FBLN2: variants seen among roughly 807,000 people sequenced by gnomAD.
The protein encoded by FBLN2 is fibulin 2, also known as fibulin-2.
A neutral mutation model predicts 123.7 loss-of-function variants in FBLN2; 81 were observed. That is an observed-to-expected ratio of 0.65 (90% CI 0.55 to 0.79). The LOEUF (loss-of-function observed/expected upper bound fraction) is 0.79. Ranked by LOEUF, FBLN2 falls within the 30% of genes least tolerant of loss-of-function variation. The probability of loss-of-function intolerance (pLI) is 0.00; values close to 1 mark genes in which losing one functional copy is unlikely to be tolerated. For synonymous variants in FBLN2, 699 were observed against 701.4 expected (o/e 1.00, Z 0.05); for missense variants, 1,603 against 1,681.3 (o/e 0.95, Z 0.81).
At chr3:13,615,426 G>A (rs564667999) in intron 5 of FBLN2, among the ~76,000 whole-genome samples, 1 of 152,288 alleles carries the variant, frequency 6.6e-6, no homozygotes, top group Admixed American at 6.5e-5. Context: ...TCATGGAGTG[G>A]GAATTAAAGC....
intron 2 of FBLN2, among the ~76,000 whole-genome samples, chr3:13,605,307 T>G (rs977312852): frequency 6.6e-6 from 1 of 152,250 alleles, no homozygotes. Flanking sequence ...TCCTTTCATC[T>G]TCTTTCTCCA....
intron 4 of FBLN2, among the ~76,000 whole-genome samples, chr3:13,610,618 ATT>A (rs1384700875): frequency 6.6e-6 from 1 of 152,034 alleles, no homozygotes; most frequent in Non-Finnish European, 1.5e-5. Flanking sequence ...CGTGGGAGGG[ATT>A]TGCAGCAGGA....
At chr3:13,596,685 ACT>A (rs778363784) in intron 2 of FBLN2, among the ~76,000 whole-genome samples, 50 of 151,226 alleles carry the variant, frequency 3.3e-4, no homozygotes, top group Non-Finnish European at 6.6e-4. Context: ...TCAAACTGAA[ACT>A]CTGTCTCCAT....
intron 1 of FBLN2, among the ~76,000 whole-genome samples, chr3:13,554,042 C>T (rs979548812): frequency 1.1e-4 from 17 of 152,240 alleles, no homozygotes; most frequent in East Asian, 1.9e-4. Flanking sequence ...CCTGAGCCCC[C>T]GGAGCCTGCA....
At chr3:13,563,394 T>C (rs566703037) in intron 1 of FBLN2, among the ~76,000 whole-genome samples, 121 of 152,366 alleles carry the variant, frequency 7.9e-4, no homozygotes, top group Middle Eastern at 3.4e-3. Flanking sequence ...CCCCGTGAAG[T>C]GCCTGGGAGG....
intron 1 of FBLN2, among the ~76,000 whole-genome samples, chr3:13,565,630 A>G (rs1703723610): frequency 6.6e-6 from 1 of 152,252 alleles, no homozygotes; most frequent in Non-Finnish European, 1.5e-5. Flanking sequence ...TATGTTACGC[A>G]CATGATACGT....
intron 1 of FBLN2, among the ~76,000 whole-genome samples, chr3:13,550,097 T>C (rs1703281226): frequency 6.6e-6 from 1 of 152,192 alleles, no homozygotes; most frequent in Admixed American, 6.5e-5. Flanking sequence ...TGCCACACAC[T>C]GTGAGTCTCA....
At chr3:13,575,757 T>C (rs3773291) in intron 2 of FBLN2, among the ~76,000 whole-genome samples, 10,874 of 152,104 alleles carry the variant, frequency 0.071, 460 homozygotes, top group South Asian at 0.14. Context: ...GCACCACGCT[T>C]CTGAGCCTGG....
At chr3:13,612,340 T>TTTCTTTCTTTCTTTCTTTC (rs367582176) in intron 4 of FBLN2, among the ~76,000 whole-genome samples, 3 of 62,338 alleles carry the variant, frequency 4.8e-5, no homozygotes, top group African/African-American at 2.2e-4. Context: ...TCTTTCTTTC[T>TTTCTTTCTTTCTTTCTTTC]TTTCTTTCTT....
At chr3:13,585,973 A>G (rs1394384418) in intron 2 of FBLN2, among the ~76,000 whole-genome samples, 1 of 152,100 alleles carries the variant, frequency 6.6e-6, no homozygotes, top group Non-Finnish European at 1.5e-5. Context: ...TTATTTGAAA[A>G]ATAGTTAACT....
chr3:13,628,454 G>C (rs541073402), intron 11 of FBLN2, among the ~76,000 whole-genome samples: 1 of 152,286 alleles, frequency 6.6e-6, no homozygotes, highest in South Asian at 2.1e-4. Context: ...CGAGGGTTGA[G>C]ACTTAACAGT....
chr3:13,568,703 C>A, intron 1 of FBLN2: 1 of 924,292 alleles, frequency 1.1e-6, no homozygotes, highest in Non-Finnish European at 1.3e-6. Context: ...CTGACACGGG[C>A]TCCCCTGACA....
intron 1 of FBLN2, among the ~76,000 whole-genome samples, chr3:13,550,610 A>G (rs1703296932): frequency 6.6e-6 from 1 of 152,224 alleles, no homozygotes; most frequent in African/African-American, 2.4e-5. Context: ...TCAGCCTGGC[A>G]TGGATTGGGA....
chr3:13,631,125 C>T (rs1198463151), intron 15 of FBLN2, among the ~76,000 whole-genome samples: 2 of 152,218 alleles, frequency 1.3e-5, no homozygotes, highest in East Asian at 1.9e-4. Context: ...AGTCACGGAG[C>T]AGCCCTAGGG....
In FBLN2 at chr3:13,637,629, T is replaced by C. The variant is rs1232422902; in HGVS notation, c.3406T>C (p.Tyr1136His). The C allele has an allele frequency of 6.2e-7, 1 of 1,613,966 alleles. No individual in the cohort carries two copies. Among genetic ancestry groups the C allele is most frequent in the African/African-American group, 1.3e-5 (1 of 75,070 alleles). ...GAACTCGCCAGCGCGCATCACGCAC[T>C]ACCAGCTCAACTTCCAGACGGGCCT... The part of the protein sequence containing the change: ...CQNSPARITH[Y>H]QLNFQTGLLV... Residue 1136 changes from tyrosine to histidine, a missense_variant, in exon 18 of 18, where the codon TAC (tyrosine) becomes CAC (histidine). By Grantham distance (83) the Tyr-to-His change is moderately conservative (BLOSUM62 2). Transcript: ENST00000404922.
At chr3:13,627,699 G>C in intron 10 of FBLN2, 133 bp from the exon 11 acceptor site, 1 of 1,181,142 alleles carries the variant, frequency 8.5e-7, no homozygotes, top group African/African-American at 1.5e-5. Context: ...CAATGTGGCT[G>C]TGCCAGCTTC....
intron 1 of FBLN2, among the ~76,000 whole-genome samples, chr3:13,554,730 G>T (rs1703417330): frequency 6.6e-6 from 1 of 152,072 alleles, no homozygotes; most frequent in Non-Finnish European, 1.5e-5. Flanking sequence ...GATGGCTGTT[G>T]TCTGATTATG....
intron 2 of FBLN2, among the ~76,000 whole-genome samples, chr3:13,589,121 C>A (rs982876792): frequency 1.3e-5 from 2 of 152,216 alleles, no homozygotes; most frequent in African/African-American, 2.4e-5. Flanking sequence ...CAGAGTTAAA[C>A]TTGTCAAGAA....
At position 13,591,070 on chromosome 3, in the gene FBLN2, G is replaced by A. The variant is rs557908525; in HGVS notation, c.1307-16992G>A. Among the ~76,000 whole-genome samples the A allele has an allele frequency of 2.6e-5, 4 of 152,188 alleles. No individual in the cohort carries two copies. The South Asian group carries it at 6.2e-4, about 24-fold the overall frequency. On this transcript the variant is annotated intron_variant, in intron 2 of 17. Transcript: ENST00000404922. ...GCTCCACATTTCTGCCAACTCTGGC[G>A]GTTGCCATTCTTTGTAATTTTGGCC...
Sources: allele counts gnomAD v4.1 joint callset (sites outside exome capture counted in the v4.1 genomes callset), GRCh38; gene constraint gnomAD v4.1.1; transcripts MANE v1.5; gene names NCBI Gene and HGNC (gene_info 2026-07-23, HGNC 2026-07-21).